The following CDCA7L variants were observed in gnomAD, a reference collection of about 807,000 sequenced individuals.
CDCA7L encodes cell division cycle-associated 7-like protein.
Under a neutral mutation model 57.4 loss-of-function variants are expected in CDCA7L, and 44 were observed. The ratio of observed to expected loss-of-function variants is 0.77; its 90% confidence interval spans 0.60 to 0.98. The LOEUF is 0.98. Ranked by LOEUF, CDCA7L falls within the 50% of genes least tolerant of loss-of-function variation. The pLI is 0.00. For missense variants in CDCA7L, 644 were observed against 580.6 expected (o/e 1.11, Z -1.12); for synonymous variants, 236 against 202.8 (o/e 1.16, Z -1.39).
intron 1 of CDCA7L, among the ~76,000 whole-genome samples, chr7:21,918,295 T>TA (rs1562628386): frequency 6.6e-6 from 1 of 152,222 alleles, no homozygotes; most frequent in Non-Finnish European, 1.5e-5. Flanking sequence ...TGCCCAAGGC[T>TA]AACTGTGCTT....
chr7:21,920,848 T>C (rs1177509902), intron 1 of CDCA7L, among the ~76,000 whole-genome samples: 1 of 152,236 alleles, frequency 6.6e-6, no homozygotes, highest in African/African-American at 2.4e-5. Context: ...TGTAGCTACA[T>C]AATAGCCACT....
chr7:21,903,068 C>T lies in CDCA7L; in HGVS notation c.1244G>A (p.Cys415Tyr). 1.9e-6 allele frequency: 3 copies of T among 1,614,116 alleles called. No individual in the cohort carries two copies. The highest frequency in any genetic ancestry group is 2.5e-6 in the Non-Finnish European group (3 of 1,179,984). ...GGCACAGCGGCCGTCACGCTTCCGA[C>T]AGTAGCTGCAATTGCAGATCCCACG... Reference protein sequence around the residue: ...PCRGICNCSYCRKRDGRCATG... With the variant: ...PCRGICNCSYYRKRDGRCATG... Residue 415 changes from cysteine to tyrosine, a missense_variant, in exon 9 of 10, where the codon TGT (cysteine) becomes TAT (tyrosine). Transcript: ENST00000406877.
chr7:21,904,802 G>C (rs1425584813), intron 7 of CDCA7L, among the ~76,000 whole-genome samples: 2 of 151,740 alleles, frequency 1.3e-5, no homozygotes, highest in Admixed American at 6.6e-5. Flanking sequence ...AAACATATTA[G>C]GTCAGATGAG....
intron 1 of CDCA7L, among the ~76,000 whole-genome samples, chr7:21,927,938 T>C (rs1785878822): frequency 6.6e-6 from 1 of 152,190 alleles, no homozygotes; most frequent in Non-Finnish European, 1.5e-5. Context: ...GAGCAGCAGA[T>C]CTCCCAGCAC....
chr7:21,908,873 A>C (rs1785226725), intron 3 of CDCA7L, among the ~76,000 whole-genome samples: 1 of 152,220 alleles, frequency 6.6e-6, no homozygotes, highest in Admixed American at 6.5e-5. Flanking sequence ...GCAGCATGAC[A>C]GATGTGATCT....
Position 21,901,406 on chromosome 7 carries a change from A to ATTCTAACTTTTT in CDCA7L, c.*915_*916insAAAAAGTTAGAA. 8.9e-7 allele frequency: 1 copy of ATTCTAACTTTTT among 1,121,170 alleles called. No individual in the cohort carries two copies. The highest frequency in any genetic ancestry group is 2.9e-5 in the East Asian group (1 of 34,318). 69.5% of individuals were successfully genotyped at this position (1,121,170 alleles called of 1,614,324 possible). A position where few individuals can be genotyped will look rare whatever the true frequency, so the allele number is the denominator to read the frequency against. ...CTATCCTTAGAGTGAAAGTCAGAAA[A>ATTCTAACTTTTT]AAATACTAGAAACTAACTCAGGGCT... On this transcript the variant is annotated 3_prime_UTR_variant, in exon 10 of 10. Coordinates refer to ENST00000406877, the MANE Select transcript of CDCA7L (RefSeq NM_018719.5).
At chr7:21,922,079 T>TTAA (rs1785670913) in intron 1 of CDCA7L, among the ~76,000 whole-genome samples, 1 of 152,156 alleles carries the variant, frequency 6.6e-6, no homozygotes, top group Non-Finnish European at 1.5e-5. Context: ...AGCCATTTTC[T>TTAA]TAAGAAAGGT....
At chr7:21,908,087 G>A in intron 4 of CDCA7L, 43 bp downstream of exon 4, 1 of 1,491,152 alleles carries the variant, frequency 6.7e-7, no homozygotes, top group Admixed American at 2.5e-5. Flanking sequence ...ACTGCTGCCA[G>A]AGCCTGGTGC....
At chr7:21,902,421 A>ATTCCACAATCATC (rs1784942664) in intron 9 of CDCA7L, 69 bp from the exon 10 acceptor site, 9 of 1,441,414 alleles carry the variant, frequency 6.2e-6, no homozygotes, top group Admixed American at 1.7e-5. Context: ...GGCTTGAGAG[A>ATTCCACAATCATC]TTCCACAATC....
chr7:21,903,869 C>G, intron 8 of CDCA7L: 1 of 389,168 alleles, frequency 2.6e-6, no homozygotes, highest in Non-Finnish European at 4.6e-6. Context: ...GGACTGTAAG[C>G]AAGTTTTGCT....
At chr7:21,925,479 C>T (rs146118168) in intron 1 of CDCA7L, among the ~76,000 whole-genome samples, 43 of 152,258 alleles carry the variant, frequency 2.8e-4, no homozygotes, top group African/African-American at 1.0e-3. Flanking sequence ...TAAAATAGGG[C>T]AGTTAATTTT....
Position 21,901,229 on chromosome 7 carries a change from G to C in CDCA7L, c.*1093C>G, listed in dbSNP as rs778954486. ...AAGACTGCAAAATGGGTTCTGGCTG[G>C]AGTGGCTCTGCTTCTAGAAGCGTAA... is the stretch of plus-strand genomic sequence containing the variant. On this transcript the variant is annotated 3_prime_UTR_variant, in exon 10 of 10. Coordinates refer to ENST00000406877, the MANE Select transcript of CDCA7L (RefSeq NM_018719.5). 1.2e-6 allele frequency: 2 copies of C among 1,609,832 alleles called. No homozygotes were observed. Among genetic ancestry groups the C allele is most frequent in the Non-Finnish European group, 1.7e-6 (2 of 1,177,978 alleles).
chr7:21,903,356 C>A (rs139776369), intron 8 of CDCA7L, among the ~76,000 whole-genome samples: 3 of 152,166 alleles, frequency 2.0e-5, no homozygotes, highest in Non-Finnish European at 4.4e-5. Context: ...GAGATTTTCA[C>A]AAGCATTTGG....
chr7:21,934,789 C>T lies in CDCA7L; in HGVS notation c.24+10992G>A, dbSNP rs1340373273. Among the ~76,000 whole-genome samples the T allele has an allele frequency of 3.3e-5, 5 of 151,964 alleles. No individual in the cohort carries two copies. The East Asian group carries it at 9.6e-4, about 29-fold the overall frequency. ...ATGGAGTGGCTATACTAATATGAGA[C>T]AAAATAGTCAAAAACTGTTGTGAAA... On this transcript the variant is annotated intron_variant, in intron 1 of 9. Transcript: ENST00000406877.
intron 1 of CDCA7L, among the ~76,000 whole-genome samples, chr7:21,929,631 C>CAAAGAA (rs1785942076): frequency 2.8e-5 from 1 of 35,510 alleles, no homozygotes; most frequent in African/African-American, 1.5e-4. Flanking sequence ...AAATGGAAAG[C>CAAAGAA]AAAAAAAAAA....
At chr7:21,933,134 TAA>T (rs1786066590) in intron 1 of CDCA7L, among the ~76,000 whole-genome samples, 1 of 152,060 alleles carries the variant, frequency 6.6e-6, no homozygotes, top group Non-Finnish European at 1.5e-5. Context: ...TGGCGAACAT[TAA>T]AAAGTCAGGA....
At position 21,901,435 on chromosome 7, in the gene CDCA7L, C is replaced by T. The variant is rs886062191; in HGVS notation, c.*887G>A. On this transcript the variant is annotated 3_prime_UTR_variant, in exon 10 of 10. Coordinates refer to ENST00000406877, the MANE Select transcript of CDCA7L (RefSeq NM_018719.5). ...TACTAGAAACTAACTCAGGGCTGAG[C>T]GTGGTGGCACACGACTGTAATCCCA... The T allele has an allele frequency of 7.7e-5, 61 of 788,650 alleles. No individual in the cohort carries two copies. Among genetic ancestry groups the T allele is most frequent in the Middle Eastern group, 8.3e-4 (2 of 2,402 alleles). The allele number at this position is 788,650 out of a possible 1,614,324, so 48.9% of individuals were successfully genotyped here.
Position 21,902,456 on chromosome 7 carries a change from C to T in CDCA7L, c.1335-104G>A, listed in dbSNP as rs1314480350. The stretch of plus-strand genomic sequence containing the variant: ...CATCTAAGAGTACAAAGCCAGAACC[C>T]AGATCTCCTGACACTCGAAATCCTG... On this transcript the variant is annotated intron_variant, in intron 9 of 9. Transcript: ENST00000406877. 3 of 1,106,076 alleles carry T rather than the reference C, an allele frequency of 2.7e-6. No homozygotes were observed. In the Admixed American group the frequency reaches 5.2e-5, roughly 19 times the overall value. The allele number at this position is 1,106,076 out of a possible 1,614,324, so 68.5% of individuals were successfully genotyped here. A position where few individuals can be genotyped will look rare whatever the true frequency, so the allele number is the denominator to read the frequency against.
In CDCA7L at chr7:21,902,319, C is replaced by G. The variant is rs751249589; in HGVS notation, c.*3G>C. ...GAGGTGGCTGGTTCTGTTTGTTTTCCTCTTAATTGTCTTCTACCAGCTCCT... is the reference window on the plus strand; with the variant it reads ...GAGGTGGCTGGTTCTGTTTGTTTTCGTCTTAATTGTCTTCTACCAGCTCCT... On this transcript the variant is annotated 3_prime_UTR_variant, in exon 10 of 10. Coordinates refer to ENST00000406877, the MANE Select transcript of CDCA7L (RefSeq NM_018719.5). The G allele has an allele frequency of 3.1e-6, 5 of 1,613,600 alleles. No individual in the cohort carries two copies. The South Asian group carries it at 4.4e-5, about 14-fold the overall frequency.
Sources: allele counts gnomAD v4.1 joint callset (sites outside exome capture counted in the v4.1 genomes callset), GRCh38; gene constraint gnomAD v4.1.1; transcripts MANE v1.5; gene names NCBI Gene and HGNC (gene_info 2026-07-23, HGNC 2026-07-21).